PDE7A: variants seen among roughly 807,000 people sequenced by gnomAD.
The protein encoded by PDE7A is phosphodiesterase 7A, also known as high affinity 3',5'-cyclic-AMP phosphodiesterase 7A.
PDE7A carries 39 observed loss-of-function variants against 64.3 expected under a neutral mutation model. That is an observed-to-expected ratio of 0.61 (90% CI 0.47 to 0.79). The LOEUF (loss-of-function observed/expected upper bound fraction) is 0.79, where lower values mean the gene tolerates loss of function less well. Among genes scored for constraint, PDE7A ranks in the 30% least tolerant of loss-of-function variants. The pLI, the probability that PDE7A is intolerant of heterozygous loss-of-function variation, is 0.00. For synonymous variants in PDE7A, 203 were observed against 206.8 expected, an observed-to-expected ratio of 0.98 and a Z score of 0.16; for missense variants, 470 against 582.8, an observed-to-expected ratio of 0.81 and a Z score of 1.99.
intron 1 of PDE7A, among the ~76,000 whole-genome samples, chr8:65,829,678 G>A (rs1176774641): frequency 1.3e-5 from 2 of 152,054 alleles, no homozygotes; most frequent in African/African-American, 4.8e-5. Flanking sequence ...AGCCTCAGCT[G>A]CTAAATTTCT....
intron 1 of PDE7A, among the ~76,000 whole-genome samples, chr8:65,784,025 GAATT>G (rs1809485062): frequency 6.6e-6 from 1 of 151,632 alleles, no homozygotes; most frequent in Non-Finnish European, 1.5e-5. Context: ...AAAATCAGTT[GAATT>G]AACAAGCAAA....
chr8:65,837,555 T>C (rs1810975919), intron 1 of PDE7A, among the ~76,000 whole-genome samples: 1 of 152,190 alleles, frequency 6.6e-6, no homozygotes, highest in Admixed American at 6.5e-5. Flanking sequence ...TTTAAATAAT[T>C]TTGTGCATGA....
chr8:65,739,161 T>C (rs1304950272), intron 6 of PDE7A, among the ~76,000 whole-genome samples: 1 of 152,226 alleles, frequency 6.6e-6, no homozygotes. Context: ...TGTAAATCTA[T>C]TATGGTGCCA....
chr8:65,776,580 A>G (rs1308839984), intron 3 of PDE7A, among the ~76,000 whole-genome samples: 2 of 152,134 alleles, frequency 1.3e-5, no homozygotes, highest in Non-Finnish European at 2.9e-5. Context: ...TAATTTTTCT[A>G]TGTAATCACT....
At chr8:65,740,410 T>C (rs1233968698) in intron 5 of PDE7A, among the ~76,000 whole-genome samples, 1 of 152,120 alleles carries the variant, frequency 6.6e-6, no homozygotes, top group African/African-American at 2.4e-5. Flanking sequence ...TTCCTTTTCT[T>C]TCTTTTTTGA....
chr8:65,767,272 G>A (rs1021072488), intron 3 of PDE7A, among the ~76,000 whole-genome samples: 18 of 152,174 alleles, frequency 1.2e-4, no homozygotes, highest in African/African-American at 4.3e-4. Flanking sequence ...AGCATAGTAT[G>A]AACGTTTATG....
intron 3 of PDE7A, among the ~76,000 whole-genome samples, chr8:65,763,697 T>C (rs1808626711): frequency 6.6e-6 from 1 of 152,208 alleles, no homozygotes; most frequent in Non-Finnish European, 1.5e-5. Context: ...AGCTCCTCAG[T>C]CATTAAATTC....
intron 1 of PDE7A, among the ~76,000 whole-genome samples, chr8:65,813,100 G>A (rs1233196081): frequency 6.6e-6 from 1 of 152,164 alleles, no homozygotes; most frequent in East Asian, 1.9e-4. Context: ...GGACACAGTA[G>A]GCACTGTGAA....
chr8:65,804,540 CTTTTTTTTT>C (rs762379703), intron 1 of PDE7A, among the ~76,000 whole-genome samples: 2 of 113,046 alleles, frequency 1.8e-5, no homozygotes, highest in East Asian at 2.3e-4. Context: ...CATTTTGTTG[CTTTTTTTTT>C]TTTTTTTTTT....
rs57133349 is a variant in PDE7A at position 65,717,338 on chromosome 8, G to A, written c.*1952C>T. Among the ~76,000 whole-genome samples the A allele has an allele frequency of 1.6e-4, 24 of 152,372 alleles. No homozygotes were observed. Among genetic ancestry groups the A allele is most frequent in the African/African-American group, 5.8e-4 (24 of 41,604 alleles). The stretch of plus-strand genomic sequence containing the variant: ...ACTGATATCAATCAAGTAGAGTGGA[G>A]TGGCCTTTTCTTATCACTTTAAAAA... On this transcript the variant is annotated 3_prime_UTR_variant, in exon 13 of 13. Coordinates refer to ENST00000401827, the MANE Select transcript of PDE7A (RefSeq NM_001242318.3).
At chr8:65,720,837 T>TA (rs1432243038) in intron 12 of PDE7A, among the ~76,000 whole-genome samples, 1 of 152,234 alleles carries the variant, frequency 6.6e-6, no homozygotes, top group Admixed American at 6.5e-5. Context: ...ACTACAGTGT[T>TA]ATGTTGAGCC....
At chr8:65,838,924 T>A (rs1280381281) in intron 1 of PDE7A, among the ~76,000 whole-genome samples, 2 of 152,236 alleles carry the variant, frequency 1.3e-5, no homozygotes, top group African/African-American at 4.8e-5. Flanking sequence ...GGTCACTCGG[T>A]CTTTTCTGTG....
chr8:65,779,009 A>G (rs1176574502), intron 3 of PDE7A, among the ~76,000 whole-genome samples: 1 of 152,216 alleles, frequency 6.6e-6, no homozygotes, highest in African/African-American at 2.4e-5. Flanking sequence ...CTTTCCCAGA[A>G]TCAGTACATG....
At chr8:65,824,238 T>C (rs1213461930) in intron 1 of PDE7A, among the ~76,000 whole-genome samples, 1 of 152,210 alleles carries the variant, frequency 6.6e-6, no homozygotes, top group African/African-American at 2.4e-5. Context: ...GTGATAGTGA[T>C]CTTTAATGAT....
chr8:65,751,199 C>G (rs78843427), intron 3 of PDE7A, among the ~76,000 whole-genome samples: 3 of 152,132 alleles, frequency 2.0e-5, no homozygotes, highest in Non-Finnish European at 4.4e-5. Context: ...GAAAATCCCA[C>G]GAGACTTTGC....
At chr8:65,787,434 T>C (rs967942787) in intron 1 of PDE7A, among the ~76,000 whole-genome samples, 1 of 152,174 alleles carries the variant, frequency 6.6e-6, no homozygotes, top group Non-Finnish European at 1.5e-5. Context: ...GTGAAGTCAA[T>C]TTCCTCTGAC....
chr8:65,753,736 T>C (rs1433791347), intron 3 of PDE7A, among the ~76,000 whole-genome samples: 4 of 152,192 alleles, frequency 2.6e-5, no homozygotes, highest in Non-Finnish European at 2.9e-5. Context: ...GTCTTCATTA[T>C]TGTAGAATTG....
chr8:65,767,423 T>C (rs1808847017), intron 3 of PDE7A, among the ~76,000 whole-genome samples: 1 of 152,238 alleles, frequency 6.6e-6, no homozygotes, highest in South Asian at 2.1e-4. Flanking sequence ...ATATTGGTTT[T>C]CATCCACAGT....
Position 65,716,787 on chromosome 8 carries a change from T to G in PDE7A, c.*2503A>C, listed in dbSNP as rs190298987. 1.3e-5 allele frequency among the ~76,000 whole-genome samples: 2 copies of G among 152,138 alleles called. No homozygotes were observed. The highest frequency in any genetic ancestry group is 3.9e-4 in the East Asian group (2 of 5,188). On this transcript the variant is annotated 3_prime_UTR_variant, in exon 13 of 13. Coordinates refer to ENST00000401827, the MANE Select transcript of PDE7A (RefSeq NM_001242318.3). ...GTACTGAAACAGTGGGCCTGAATTT[T>G]TAAGGATCTGAGTTATCAGACTTTC...
Sources: allele counts gnomAD v4.1 joint callset (sites outside exome capture counted in the v4.1 genomes callset), GRCh38; gene constraint gnomAD v4.1.1; transcripts MANE v1.5; gene names NCBI Gene and HGNC (gene_info 2026-07-23, HGNC 2026-07-21).